The following GSN variants were observed in gnomAD, a reference collection of about 807,000 sequenced individuals.
GSN encodes the protein gelsolin.
GSN carries 56 observed loss-of-function variants against 85.7 expected under a neutral mutation model. The ratio of observed to expected loss-of-function variants is 0.65; its 90% CI spans 0.53 to 0.82. The LOEUF is 0.82. Ranked by LOEUF, GSN falls within the 40% of genes least tolerant of loss-of-function variation. The pLI, the probability that GSN is intolerant of heterozygous loss-of-function variation, is 0.00. For synonymous variants in GSN, 373 were observed against 399.1 expected, an observed-to-expected ratio of 0.93 and a Z score of 0.78; for missense variants, 857 against 979.8, an observed-to-expected ratio of 0.87 and a Z score of 1.67.
At chr9:121,254,219 CAAAG>C (rs2054899632) in intron 6 of GSN, among the ~76,000 whole-genome samples, 1 of 152,148 alleles carries the variant, frequency 6.6e-6, no homozygotes. Flanking sequence ...GGCAGGTAGG[CAAAG>C]AAAGGGAAGC....
chr9:121,302,907 G>A lies in GSN; in HGVS notation c.197-4G>A, dbSNP rs375172023. The A allele has an allele frequency of 7.4e-5, 119 of 1,613,510 alleles. 1 individual carries two copies. In the African/African-American group the frequency reaches 1.2e-3, roughly 16 times the overall value. On this transcript the variant is annotated splice_polypyrimidine_tract_variant and splice_region_variant and intron_variant, in intron 3 of 17. Coordinates refer to ENST00000432226, the MANE Select transcript of GSN (RefSeq NM_198252.3). ...CAGGCTCATATTGCTCTGATGTCCC[G>A]TAGGCAATGAGTGCAGCCAGGATGA...
upstream of GSN, chr9:121,203,334 G>C (rs994311830): frequency 6.6e-6 from 1 of 152,098 alleles, no homozygotes; most frequent in African/African-American, 2.4e-5. Context: ...GCCCAGGTCG[G>C]AGATGGAGCA....
At chr9:121,213,936 G>C (rs529312644) in intron 4 of GSN, among the ~76,000 whole-genome samples, 2 of 152,308 alleles carry the variant, frequency 1.3e-5, no homozygotes, top group Non-Finnish European at 2.9e-5. Context: ...CCTTCTTTTA[G>C]AGCAAGGACT....
chr9:121,250,294 T>C (rs1227890164), intron 6 of GSN, among the ~76,000 whole-genome samples: 1 of 145,504 alleles, frequency 6.9e-6, no homozygotes, highest in Admixed American at 7.1e-5. Flanking sequence ...AACCTCCGCC[T>C]CCTGGGTTCA....
intron 4 of GSN, among the ~76,000 whole-genome samples, chr9:121,219,039 A>C (rs150999208): frequency 5.9e-4 from 90 of 152,274 alleles, no homozygotes; most frequent in African/African-American, 2.0e-3. Flanking sequence ...TGACACCTGA[A>C]GTCCAATATC....
chr9:121,329,376 A>C lies in GSN; in HGVS notation c.1965+61A>C. On this transcript the variant is annotated intron_variant, in intron 16 of 17. Transcript: ENST00000432226. This position sits in a 1 kb window ranked among gnomAD's most constrained non-coding sequence, Gnocchi z 4.6. Reference sequence around the variant, plus strand: ...AGGGAGTGGGAGAAACTAGACTTCCAGTTCTATGATCAGTTGCTAGAAGGA... The same window carrying C: ...AGGGAGTGGGAGAAACTAGACTTCCCGTTCTATGATCAGTTGCTAGAAGGA... The C allele has an allele frequency of 9.9e-7, 1 of 1,006,364 alleles. No homozygotes were observed. Among genetic ancestry groups the C allele is most frequent in the Non-Finnish European group, 1.6e-6 (1 of 625,572 alleles). The allele number at this position is 1,006,364 out of a possible 1,614,324, so 62.3% of individuals were successfully genotyped here.
At chr9:121,205,082 C>T (rs1428605566), upstream of GSN, among the ~76,000 whole-genome samples, 1 of 152,188 alleles carries the variant, frequency 6.6e-6, no homozygotes, top group Admixed American at 6.5e-5. Context: ...TGGCTGGGGC[C>T]AGCTACCTTC....
At chr9:121,250,225 G>A (rs931748008) in intron 6 of GSN, among the ~76,000 whole-genome samples, 7 of 122,934 alleles carry the variant, frequency 5.7e-5, no homozygotes, top group South Asian at 2.6e-4. Context: ...TTTTTTTTGA[G>A]ATGGAGTCTC....
In GSN at chr9:121,299,993, G is replaced by T. The variant is rs1459567660; in HGVS notation, c.-9-1970G>T. 2 of 1,429,036 alleles carry T rather than the reference G, an allele frequency of 1.4e-6. No individual in the cohort carries two copies. Among genetic ancestry groups the T allele is most frequent in the South Asian group, 1.7e-5 (1 of 59,126 alleles). 88.5% of individuals were successfully genotyped at this position (1,429,036 alleles called of 1,614,324 possible). On this transcript the variant is annotated intron_variant, in intron 2 of 17. Coordinates refer to ENST00000432226, the MANE Select transcript of GSN (RefSeq NM_198252.3). The surrounding 1 kb of genome is among the most constrained non-coding windows in gnomAD (Gnocchi z 4.2). ...AGGCGGGGGCGCCCCAGGGGCGGGTGCCCGAGGCGCGGGTGAGTGCCCGGG... is the reference window on the plus strand; with the variant it reads ...AGGCGGGGGCGCCCCAGGGGCGGGTTCCCGAGGCGCGGGTGAGTGCCCGGG...
Position 121,318,071 on chromosome 9 carries a change from G to A in GSN, c.887-335G>A, listed in dbSNP as rs565723516. On this transcript the variant is annotated intron_variant, in intron 8 of 17. Coordinates refer to ENST00000432226, the MANE Select transcript of GSN (RefSeq NM_198252.3). This position sits in a 1 kb window ranked among gnomAD's most constrained non-coding sequence, Gnocchi z 4.3. ...GTAATTTAATCTCTCTAAGACCCTA[G>A]CTTCCTTATAGATACTCAGAAAAAG... 3.9e-5 allele frequency among the ~76,000 whole-genome samples: 6 copies of A among 152,286 alleles called. No individual in the cohort carries two copies. Among genetic ancestry groups the A allele is most frequent in the African/African-American group, 1.4e-4 (6 of 41,552 alleles).
Position 121,332,322 on chromosome 9 carries a change from G to A in GSN, c.2027-112G>A, listed in dbSNP as rs1235543371. 3.0e-6 allele frequency: 3 copies of A among 991,960 alleles called. No homozygotes were observed. Among genetic ancestry groups the A allele is most frequent in the Non-Finnish European group, 4.9e-6 (3 of 615,014 alleles). 61.4% of individuals were successfully genotyped at this position (991,960 alleles called of 1,614,324 possible). A position where few individuals can be genotyped will look rare whatever the true frequency, so the allele number is the denominator to read the frequency against. On this transcript the variant is annotated intron_variant, in intron 17 of 17. Transcript: ENST00000432226. The surrounding 1 kb of genome is among the most constrained non-coding windows in gnomAD (Gnocchi z 4.8). ...GGGCAGGGGGTGGGCAGTAGGGACA[G>A]TAGGACCATAGACCCTCTTCTTTGT...
intron 1 of GSN, 48 bp from the exon 2 acceptor site, chr9:121,281,422 G>A (rs956525739): frequency 3.3e-5 from 12 of 368,510 alleles, no homozygotes; most frequent in African/African-American, 2.4e-4. Context: ...TTGACCAGAT[G>A]ACCTTGAACT....
intron 1 of GSN, among the ~76,000 whole-genome samples, chr9:121,268,990 G>C (rs1220851190): frequency 6.6e-6 from 1 of 152,180 alleles, no homozygotes. Context: ...TGGGGGTGTG[G>C]GTGAGCAGGA....
chr9:121,253,353 A>G (rs1224128442), intron 6 of GSN, among the ~76,000 whole-genome samples: 3 of 152,224 alleles, frequency 2.0e-5, no homozygotes, highest in African/African-American at 4.8e-5. Flanking sequence ...TGGTGCCATT[A>G]GCCATTGTCT....
rs533724454 is a variant in GSN, at chr9:121,286,805, G to A, written c.-10+5243G>A. 4.2e-5 allele frequency: 61 copies of A among 1,463,902 alleles called. No homozygotes were observed. The African/African-American group carries it at 5.7e-4, about 14-fold the overall frequency. 90.7% of individuals were successfully genotyped at this position (1,463,902 alleles called of 1,614,324 possible). ...TGTGTAGAAGTGAGAGTCAGACTTCGGACTTCAGAGTCAGACAGCCCTGAA... is the reference window on the plus strand; with the variant it reads ...TGTGTAGAAGTGAGAGTCAGACTTCAGACTTCAGAGTCAGACAGCCCTGAA... On this transcript the variant is annotated intron_variant, in intron 2 of 17. Transcript: ENST00000432226.
the GSN span, among the ~76,000 whole-genome samples, chr9:121,202,582 A>C: frequency 6.6e-6 from 1 of 152,204 alleles, no homozygotes; most frequent in Admixed American, 6.5e-5. Context: ...GCTCTGCCAT[A>C]ATCACTGCCC....
chr9:121,290,375 C>G (rs1193188737), intron 2 of GSN, among the ~76,000 whole-genome samples: 1 of 152,066 alleles, frequency 6.6e-6, no homozygotes, highest in African/African-American at 2.4e-5. Flanking sequence ...CATTCCAGTA[C>G]TATACCTCTG....
rs1052665353 is a variant in GSN at position 121,274,242 on chromosome 9, C to G, written c.-103+6023C>G. 1.3e-4 allele frequency among the ~76,000 whole-genome samples: 20 copies of G among 152,162 alleles called. 1 individual carries two copies. Among genetic ancestry groups the G allele is most frequent in the African/African-American group, 4.8e-4 (20 of 41,456 alleles). Reference sequence around the variant, plus strand: ...GGCTCTTTAGTCCTTAAACAAGGGTCTTGCCTCCTACTTTTTTTTTGTTAT... The same window carrying G: ...GGCTCTTTAGTCCTTAAACAAGGGTGTTGCCTCCTACTTTTTTTTTGTTAT... On this transcript the variant is annotated intron_variant, in intron 1 of 17. Coordinates refer to ENST00000432226, the MANE Select transcript of GSN (RefSeq NM_198252.3).
intron 11 of GSN, among the ~76,000 whole-genome samples, chr9:121,322,281 G>T (rs2062574950): frequency 6.6e-6 from 1 of 151,994 alleles, no homozygotes; most frequent in African/African-American, 2.4e-5. Context: ...TACACAAAAG[G>T]TAGCATACTT....
Sources: allele counts gnomAD v4.1 joint callset (sites outside exome capture counted in the v4.1 genomes callset), GRCh38; gene constraint gnomAD v4.1.1; non-coding constraint Gnocchi (gnomAD v3.1); transcripts MANE v1.5; gene names NCBI Gene and HGNC (gene_info 2026-07-23, HGNC 2026-07-21).